SPAG16: variants seen among roughly 807,000 people sequenced by gnomAD.
SPAG16 encodes the protein sperm-associated antigen 16 protein.
SPAG16 carries 86 observed loss-of-function variants against 80.4 expected under a neutral mutation model. The ratio of observed to expected loss-of-function variants is 1.07; its 90% CI spans 0.90 to 1.28. SPAG16 has a LOEUF of 1.28. SPAG16 is among the 50% of genes most tolerant of loss of function. The pLI is 0.00. For synonymous variants in SPAG16, 294 were observed against 265.9 expected (o/e 1.11, Z -1.03); for missense variants, 870 against 765.3 (o/e 1.14, Z -1.61).
At chr2:213,996,963 T>G (rs1575770849) in intron 12 of SPAG16, among the ~76,000 whole-genome samples, 1 of 152,214 alleles carries the variant, frequency 6.6e-6, no homozygotes, top group Non-Finnish European at 1.5e-5. Context: ...TATATTCTTG[T>G]TAGATGGCTA....
chr2:214,218,682 T>C (rs568521593), intron 15 of SPAG16, among the ~76,000 whole-genome samples: 27 of 152,314 alleles, frequency 1.8e-4, no homozygotes, highest in African/African-American at 6.3e-4. Context: ...ATATTATAGA[T>C]CCTTGAAATA....
At chr2:214,044,187 G>A (rs1315523680) in intron 13 of SPAG16, among the ~76,000 whole-genome samples, 1 of 152,030 alleles carries the variant, frequency 6.6e-6, no homozygotes. Flanking sequence ...TATCATAATA[G>A]CAATCTTTAC....
intron 15 of SPAG16, among the ~76,000 whole-genome samples, chr2:214,161,813 G>A (rs1251061865): frequency 6.6e-6 from 1 of 151,946 alleles, no homozygotes; most frequent in Non-Finnish European, 1.5e-5. Flanking sequence ...TGCACATTAT[G>A]CACATGTACT....
At chr2:213,341,102 A>G (rs180895951) in intron 6 of SPAG16, among the ~76,000 whole-genome samples, 3 of 152,314 alleles carry the variant, frequency 2.0e-5, no homozygotes, top group African/African-American at 7.2e-5. Context: ...CTGGTAAAGA[A>G]GCACACATTA....
chr2:213,926,510 C>T (rs763920581), intron 11 of SPAG16, among the ~76,000 whole-genome samples: 11 of 151,898 alleles, frequency 7.2e-5, no homozygotes, highest in Non-Finnish European at 1.0e-4. Flanking sequence ...ATTTTTTTTC[C>T]GGATTTATTT....
Position 214,047,653 on chromosome 2 carries a change from C to A in SPAG16, c.1527+33576C>A, listed in dbSNP as rs182781580. Among the ~76,000 whole-genome samples, 110 of 152,158 alleles carry A rather than the reference C, an allele frequency of 7.2e-4. 2 individuals are homozygous for A. The highest frequency in any genetic ancestry group is 2.6e-3 in the African/African-American group (107 of 41,524). Reference sequence around the variant, plus strand: ...CTGGGCAAAGATTTCTTGAGCAATACCCTACAAGCAAAGGCAAGCGAAGCA... The same window carrying A: ...CTGGGCAAAGATTTCTTGAGCAATAACCTACAAGCAAAGGCAAGCGAAGCA... On this transcript the variant is annotated intron_variant, in intron 13 of 15. Coordinates refer to ENST00000331683, the MANE Select transcript of SPAG16 (RefSeq NM_024532.5).
chr2:213,981,918 ATT>A (rs936047532), intron 12 of SPAG16, among the ~76,000 whole-genome samples: 2 of 149,442 alleles, frequency 1.3e-5, no homozygotes, highest in Non-Finnish European at 2.9e-5. Context: ...CTAGTTTCTG[ATT>A]TTTTTACATT....
intron 13 of SPAG16, among the ~76,000 whole-genome samples, chr2:214,062,039 A>G (rs2050290039): frequency 6.9e-6 from 1 of 144,890 alleles, no homozygotes; most frequent in African/African-American, 2.5e-5. Context: ...TAGTATTCAG[A>G]AGAAAGACTG....
chr2:213,750,679 A>T (rs578247692), intron 10 of SPAG16, among the ~76,000 whole-genome samples: 38 of 152,248 alleles, frequency 2.5e-4, no homozygotes, highest in African/African-American at 7.9e-4. Context: ...GTTTCCTAGG[A>T]CCACTTGAAG....
chr2:214,272,908 A>G (rs546799394), intron 15 of SPAG16, among the ~76,000 whole-genome samples: 49 of 152,320 alleles, frequency 3.2e-4, no homozygotes, highest in Non-Finnish European at 5.7e-4. Flanking sequence ...AGTCCCACCA[A>G]CAGTGTAAAA....
chr2:213,737,113 G>T (rs2067316275), intron 10 of SPAG16, among the ~76,000 whole-genome samples: 1 of 152,100 alleles, frequency 6.6e-6, no homozygotes, highest in Non-Finnish European at 1.5e-5. Flanking sequence ...GATGGTTCTT[G>T]ATTTATTTTT....
intron 10 of SPAG16, among the ~76,000 whole-genome samples, chr2:213,818,416 T>C (rs944131848): frequency 2.6e-5 from 4 of 152,188 alleles, no homozygotes; most frequent in African/African-American, 9.6e-5. Context: ...TCCCCTGTAA[T>C]GTTTCCTGAA....
At chr2:213,638,854 C>T (rs2062472984) in intron 10 of SPAG16, among the ~76,000 whole-genome samples, 1 of 152,080 alleles carries the variant, frequency 6.6e-6, no homozygotes, top group African/African-American at 2.4e-5. Context: ...TGAAGTTCCT[C>T]AATATTATTG....
chr2:213,903,197 T>C (rs1254995276), intron 11 of SPAG16, among the ~76,000 whole-genome samples: 1 of 151,946 alleles, frequency 6.6e-6, no homozygotes, highest in African/African-American at 2.4e-5. Context: ...CTCTCACAAC[T>C]CCACTAGGCA....
intron 10 of SPAG16, among the ~76,000 whole-genome samples, chr2:213,589,948 A>G (rs1424497092): frequency 6.6e-6 from 1 of 151,538 alleles, no homozygotes; most frequent in Admixed American, 6.6e-5. Context: ...TCCTTTGAAC[A>G]CTGGGGACTC....
intron 10 of SPAG16, among the ~76,000 whole-genome samples, chr2:213,576,022 G>A (rs891602013): frequency 1.3e-5 from 2 of 152,136 alleles, no homozygotes; most frequent in African/African-American, 2.4e-5. Flanking sequence ...GAATGGTATT[G>A]CCTAGGTTGT....
At chr2:214,185,957 A>C (rs2125683023) in intron 15 of SPAG16, among the ~76,000 whole-genome samples, 1 of 152,208 alleles carries the variant, frequency 6.6e-6, no homozygotes, top group African/African-American at 2.4e-5. Flanking sequence ...CTCCCCCACT[A>C]TAATGTAAGT....
chr2:214,292,845 G>A (rs889957561), intron 15 of SPAG16, among the ~76,000 whole-genome samples: 4 of 152,152 alleles, frequency 2.6e-5, no homozygotes, highest in African/African-American at 9.7e-5. Context: ...GTTGTTGGTT[G>A]GGTAGAGAAC....
intron 15 of SPAG16, among the ~76,000 whole-genome samples, chr2:214,258,471 G>GTGTGTGTGTGTATATATATATA (rs1553539128): frequency 3.5e-5 from 5 of 141,416 alleles, no homozygotes; most frequent in Non-Finnish European, 7.6e-5. Context: ...ATGTGTGTGT[G>GTGTGTGTGTGTATATATATATA]TATATATATA....
Sources: allele counts gnomAD v4.1 joint callset (sites outside exome capture counted in the v4.1 genomes callset), GRCh38; gene constraint gnomAD v4.1.1; transcripts MANE v1.5; gene names NCBI Gene and HGNC (gene_info 2026-07-23, HGNC 2026-07-21).